GUCY1A2: variants seen among roughly 807,000 people sequenced by gnomAD.
GUCY1A2 encodes guanylate cyclase 1 soluble subunit alpha 2, also known as guanylate cyclase soluble subunit alpha-2.
Under a neutral mutation model 63.5 loss-of-function variants are expected in GUCY1A2, and 27 were observed. The observed-to-expected ratio is 0.43, with a 90% CI of 0.31 to 0.59. GUCY1A2 has a LOEUF of 0.59. GUCY1A2 is among the 20% of genes least tolerant of loss of function. The probability of loss-of-function intolerance (pLI) is 0.11; values close to 1 mark genes in which losing one functional copy is unlikely to be tolerated. For synonymous variants in GUCY1A2, 364 were observed against 343.5 expected, an observed-to-expected ratio of 1.06 and a Z score of -0.66; for missense variants, 768 against 913.3, an observed-to-expected ratio of 0.84 and a Z score of 2.05.
intron 6 of GUCY1A2, among the ~76,000 whole-genome samples, chr11:106,757,391 T>C (rs189157086): frequency 7.5e-4 from 114 of 152,324 alleles, no homozygotes; most frequent in Middle Eastern, 3.4e-3. Flanking sequence ...TTTGTTCCCT[T>C]GCTGGCAAGA....
At chr11:106,811,155 C>T (rs556077033) in intron 4 of GUCY1A2, among the ~76,000 whole-genome samples, 2 of 151,908 alleles carry the variant, frequency 1.3e-5, no homozygotes, top group Non-Finnish European at 2.9e-5. Context: ...GAATTTGGGT[C>T]ATATGATAAA....
chr11:106,798,656 A>C (rs905654733), intron 5 of GUCY1A2, among the ~76,000 whole-genome samples: 5 of 152,224 alleles, frequency 3.3e-5, no homozygotes, highest in African/African-American at 1.2e-4. Flanking sequence ...AAAACCAAAG[A>C]CAAAAACCAC....
intron 1 of GUCY1A2, among the ~76,000 whole-genome samples, chr11:107,003,232 T>C (rs2120187693): frequency 6.6e-6 from 1 of 152,272 alleles, no homozygotes; most frequent in East Asian, 1.9e-4. Flanking sequence ...GGTCTTTATC[T>C]CAGTTGCAGG....
Position 106,974,199 on chromosome 11 carries a change from T to C in GUCY1A2, c.487+4420A>G, listed in dbSNP as rs1294853038. 2.6e-5 allele frequency among the ~76,000 whole-genome samples: 4 copies of C among 152,240 alleles called. No homozygotes were observed. In the East Asian group the frequency reaches 7.7e-4, roughly 29 times the overall value. On this transcript the variant is annotated intron_variant, in intron 3 of 7. Transcript: ENST00000526355. ...TTTAATGAAAGAGGAAATTGATCAGTTACCAAGTTATAGTAACAAGAACTA... is the reference window on the plus strand; with the variant it reads ...TTTAATGAAAGAGGAAATTGATCAGCTACCAAGTTATAGTAACAAGAACTA...
At chr11:106,910,846 T>C (rs1490320614) in intron 4 of GUCY1A2, among the ~76,000 whole-genome samples, 1 of 152,088 alleles carries the variant, frequency 6.6e-6, no homozygotes, top group Non-Finnish European at 1.5e-5. Context: ...TGATTATATT[T>C]GTTACAGGAA....
intron 5 of GUCY1A2, among the ~76,000 whole-genome samples, chr11:106,804,241 A>G (rs949994680): frequency 1.3e-5 from 2 of 152,236 alleles, no homozygotes; most frequent in Non-Finnish European, 2.9e-5. Flanking sequence ...CCAACAAAAT[A>G]TCAGTAAAAG....
intron 7 of GUCY1A2, among the ~76,000 whole-genome samples, chr11:106,695,303 T>G (rs1396895784): frequency 9.2e-5 from 14 of 152,142 alleles, no homozygotes; most frequent in Admixed American, 8.5e-4. Flanking sequence ...CAAAAAAGAT[T>G]AATTATTAAC....
intron 4 of GUCY1A2, among the ~76,000 whole-genome samples, chr11:106,889,582 T>C (rs1565321605): frequency 6.6e-6 from 1 of 152,202 alleles, no homozygotes; most frequent in African/African-American, 2.4e-5. Context: ...AGAGCAAAGA[T>C]AAAAAATGAT....
intron 6 of GUCY1A2, among the ~76,000 whole-genome samples, chr11:106,764,863 C>T (rs1402743554): frequency 6.6e-6 from 1 of 150,892 alleles, no homozygotes; most frequent in Non-Finnish European, 1.5e-5. Context: ...AAATTTAGTT[C>T]TGCAATTGGC....
chr11:106,849,435 T>C (rs1157412149), intron 4 of GUCY1A2, among the ~76,000 whole-genome samples: 1 of 151,102 alleles, frequency 6.6e-6, no homozygotes, highest in Non-Finnish European at 1.5e-5. Flanking sequence ...GAAAAAGAAG[T>C]ATTACAAGGT....
At position 106,674,249 on chromosome 11, in the gene GUCY1A2, C is replaced by G. The variant is rs1862308901; in HGVS notation, c.*13300G>C. 5.4e-6 allele frequency: 1 copy of G among 184,454 alleles called. No individual in the cohort carries two copies. Among genetic ancestry groups the G allele is most frequent in the African/African-American group, 2.3e-5 (1 of 42,600 alleles). 11.4% of individuals were successfully genotyped at this position (184,454 alleles called of 1,614,324 possible). On this transcript the variant is annotated 3_prime_UTR_variant, in exon 8 of 8. Coordinates refer to ENST00000526355, the MANE Select transcript of GUCY1A2 (RefSeq NM_000855.3). The stretch of plus-strand genomic sequence containing the variant: ...CTGTAAATGCAAAGACATTTTACAT[C>G]ATGAAACATGCTATTTACATTGTGA...
intron 6 of GUCY1A2, among the ~76,000 whole-genome samples, chr11:106,740,528 A>T (rs1863674966): frequency 6.6e-6 from 1 of 151,956 alleles, no homozygotes; most frequent in Admixed American, 6.6e-5. Flanking sequence ...TTGAAATGCT[A>T]ACACCATTGC....
intron 5 of GUCY1A2, among the ~76,000 whole-genome samples, chr11:106,780,752 G>A (rs539272311): frequency 2.6e-5 from 4 of 152,140 alleles, no homozygotes; most frequent in Non-Finnish European, 4.4e-5. Context: ...AAAATGTCTG[G>A]AAAGTTTAAG....
intron 4 of GUCY1A2, among the ~76,000 whole-genome samples, chr11:106,890,864 T>C (rs1443518768): frequency 6.6e-6 from 1 of 152,176 alleles, no homozygotes; most frequent in Non-Finnish European, 1.5e-5. Context: ...GAGAACATTA[T>C]AATGTTATAC....
chr11:106,914,391 C>A (rs1860340382), intron 4 of GUCY1A2, among the ~76,000 whole-genome samples: 1 of 152,070 alleles, frequency 6.6e-6, no homozygotes, highest in Non-Finnish European at 1.5e-5. Flanking sequence ...CTGAATTACT[C>A]TGATGCCATC....
chr11:106,908,298 G>A (rs887877576), intron 4 of GUCY1A2, among the ~76,000 whole-genome samples: 7 of 151,858 alleles, frequency 4.6e-5, no homozygotes, highest in South Asian at 2.1e-4. Context: ...TAAATATAAC[G>A]TAGTCTTAAT....
chr11:106,698,138 T>TTTTTTTTTTTTTTTTTTTTTTTTTA lies in GUCY1A2; in HGVS notation c.1991+10373_1991+10374insTAAAAAAAAAAAAAAAAAAAAAAAA, dbSNP rs1555020237. On this transcript the variant is annotated intron_variant, in intron 7 of 7. Coordinates refer to ENST00000526355, the MANE Select transcript of GUCY1A2 (RefSeq NM_000855.3). ...GTTAGAATTTTTTTTTTTTTTTTTTTAGACAGGGTCTCACTCTGTTGCTGA... is the reference window on the plus strand; with the variant it reads ...GTTAGAATTTTTTTTTTTTTTTTTTTTTTTTTTTTTTTTTTTTTTTTTTTAAGACAGGGTCTCACTCTGTTGCTGA... Among the ~76,000 whole-genome samples, 41 of 145,854 alleles carry TTTTTTTTTTTTTTTTTTTTTTTTTA rather than the reference T, an allele frequency of 2.8e-4. 1 individual carries two copies. Among genetic ancestry groups the TTTTTTTTTTTTTTTTTTTTTTTTTA allele is most frequent in the Middle Eastern group, 3.6e-3 (1 of 276 alleles).
At chr11:106,875,548 C>T (rs1859737612) in intron 4 of GUCY1A2, among the ~76,000 whole-genome samples, 1 of 152,062 alleles carries the variant, frequency 6.6e-6, no homozygotes. Flanking sequence ...GCACTGACTT[C>T]ATTGTTAAGA....
At chr11:106,896,519 T>C (rs1321449355) in intron 4 of GUCY1A2, among the ~76,000 whole-genome samples, 4 of 152,174 alleles carry the variant, frequency 2.6e-5, no homozygotes, top group African/African-American at 4.8e-5. Flanking sequence ...CTCTCCAAAA[T>C]ACATGTTGAA....
Sources: allele counts gnomAD v4.1 joint callset (sites outside exome capture counted in the v4.1 genomes callset), GRCh38; gene constraint gnomAD v4.1.1; transcripts MANE v1.5; gene names NCBI Gene and HGNC (gene_info 2026-07-23, HGNC 2026-07-21).